The following KIF6 variants were observed in gnomAD, a reference collection of about 807,000 sequenced individuals.
The protein encoded by KIF6 is kinesin family member 6.
KIF6 carries 106 observed loss-of-function variants against 112.7 expected under a neutral mutation model. The observed-to-expected ratio is 0.94, with a 90% CI of 0.80 to 1.11. KIF6 has a LOEUF of 1.11. Ranked by LOEUF, KIF6 falls within the 50% of genes least tolerant of loss-of-function variation. KIF6 has a pLI of 0.00. For synonymous variants in KIF6, 339 were observed against 339.9 expected, an observed-to-expected ratio of 1.00 and a Z score of 0.03; for missense variants, 929 against 964.0, an observed-to-expected ratio of 0.96 and a Z score of 0.48.
chr6:39,336,256 C>A lies in KIF6; in HGVS notation c.*276G>T. ...ACGTCACTACAACAGTGAGCTGAAG[C>A]CTTCACCCTGCCCCTAGCACTCTGG... On this transcript the variant is annotated 3_prime_UTR_variant, in exon 23 of 23. Transcript: ENST00000287152. The A allele has an allele frequency of 4.2e-6, 2 of 477,152 alleles. No individual in the cohort carries two copies. The highest frequency in any genetic ancestry group is 3.7e-5 in the Admixed American group (1 of 26,828). The allele number at this position is 477,152 out of a possible 1,614,324, so 29.6% of individuals were successfully genotyped here.
intron 13 of KIF6, among the ~76,000 whole-genome samples, chr6:39,539,212 T>TATA (rs1477385904): frequency 6.6e-6 from 1 of 151,120 alleles, no homozygotes; most frequent in Non-Finnish European, 1.5e-5. Context: ...AAACTTAAAG[T>TATA]ATAATAATAA....
intron 13 of KIF6, among the ~76,000 whole-genome samples, chr6:39,533,844 G>C (rs1369704570): frequency 1.3e-5 from 2 of 152,138 alleles, no homozygotes; most frequent in African/African-American, 4.8e-5. Flanking sequence ...CACACGGCCG[G>C]GTACTCCTCT....
At chr6:39,647,312 T>C (rs1785218358) in intron 3 of KIF6, among the ~76,000 whole-genome samples, 1 of 152,156 alleles carries the variant, frequency 6.6e-6, no homozygotes, top group Non-Finnish European at 1.5e-5. Context: ...TCTGTTTTTC[T>C]GCCTAGCAAG....
At chr6:39,543,772 G>T (rs1290487065) in intron 12 of KIF6, among the ~76,000 whole-genome samples, 5 of 152,124 alleles carry the variant, frequency 3.3e-5, no homozygotes, top group Admixed American at 3.3e-4. Context: ...TATCTGGGAG[G>T]CCTGAGTTCC....
intron 22 of KIF6, among the ~76,000 whole-genome samples, chr6:39,338,282 G>A (rs557594220): frequency 2.0e-5 from 3 of 152,348 alleles, no homozygotes; most frequent in East Asian, 1.9e-4. Flanking sequence ...ACTGGGTGAC[G>A]AGTGTTAGCT....
intron 3 of KIF6, among the ~76,000 whole-genome samples, chr6:39,649,189 A>G (rs1055179039): frequency 6.6e-6 from 1 of 152,104 alleles, no homozygotes. Context: ...TAAAAATAAA[A>G]TAAAAGCATG....
intron 13 of KIF6, among the ~76,000 whole-genome samples, chr6:39,508,652 T>TG (rs1776585865): frequency 6.6e-6 from 1 of 151,790 alleles, no homozygotes; most frequent in African/African-American, 2.4e-5. Context: ...TGGAGCTTGG[T>TG]GGGGGGAGGG....
intron 13 of KIF6, among the ~76,000 whole-genome samples, chr6:39,486,010 G>T (rs180866604): frequency 6.2e-4 from 94 of 152,296 alleles, no homozygotes; most frequent in Middle Eastern, 3.4e-3. Context: ...TTCGAATTCA[G>T]ACAGTCAGCC....
intron 14 of KIF6, among the ~76,000 whole-genome samples, chr6:39,422,613 A>G (rs1319648295): frequency 6.6e-6 from 1 of 152,160 alleles, no homozygotes; most frequent in Non-Finnish European, 1.5e-5. Context: ...TGTAGAGGGA[A>G]AGAGCAAGTG....
intron 3 of KIF6, among the ~76,000 whole-genome samples, chr6:39,677,978 T>C (rs1316090367): frequency 1.3e-5 from 2 of 151,150 alleles, no homozygotes; most frequent in Admixed American, 6.6e-5. Context: ...TTGTGAATAG[T>C]GCCGCAATAA....
chr6:39,558,969 A>G (rs906069305), intron 10 of KIF6, among the ~76,000 whole-genome samples: 7 of 152,208 alleles, frequency 4.6e-5, no homozygotes, highest in African/African-American at 1.2e-4. Flanking sequence ...AAATGCTTCC[A>G]TAAACTACCC....
chr6:39,523,510 C>G (rs745806217), intron 13 of KIF6, among the ~76,000 whole-genome samples: 6 of 151,326 alleles, frequency 4.0e-5, no homozygotes, highest in Non-Finnish European at 5.9e-5. Context: ...CCACACAAAC[C>G]CTACAATCCA....
chr6:39,534,243 T>C (rs1299436079), intron 13 of KIF6, among the ~76,000 whole-genome samples: 1 of 152,146 alleles, frequency 6.6e-6, no homozygotes, highest in African/African-American at 2.4e-5. Context: ...AGAAGAAGGC[T>C]TCAGACGATC....
intron 13 of KIF6, among the ~76,000 whole-genome samples, chr6:39,454,047 T>C (rs1238555598): frequency 6.6e-6 from 1 of 152,168 alleles, no homozygotes; most frequent in Non-Finnish European, 1.5e-5. Context: ...TTAAATACAG[T>C]AGATATTTCT....
At chr6:39,664,470 G>A (rs554939828) in intron 3 of KIF6, among the ~76,000 whole-genome samples, 76 of 152,222 alleles carry the variant, frequency 5.0e-4, no homozygotes, top group Non-Finnish European at 7.9e-4. Flanking sequence ...AAATAAATTC[G>A]TGTCCTCCGG....
intron 6 of KIF6, among the ~76,000 whole-genome samples, chr6:39,611,018 G>A (rs1459094253): frequency 1.3e-5 from 2 of 152,162 alleles, no homozygotes; most frequent in Non-Finnish European, 2.9e-5. Flanking sequence ...AAAAGACCTG[G>A]AATTCTGGCT....
At chr6:39,366,749 T>G (rs1765583700) in intron 16 of KIF6, among the ~76,000 whole-genome samples, 1 of 152,050 alleles carries the variant, frequency 6.6e-6, no homozygotes, top group Non-Finnish European at 1.5e-5. Flanking sequence ...GAAATCGTGG[T>G]GGGAGCTGAA....
At chr6:39,580,892 C>T (rs1406922439) in intron 9 of KIF6, among the ~76,000 whole-genome samples, 2 of 152,122 alleles carry the variant, frequency 1.3e-5, no homozygotes, top group African/African-American at 4.8e-5. Context: ...TTTAACTTTT[C>T]TCATTTTTTT....
At chr6:39,591,025 C>T (rs1305321245) in intron 7 of KIF6, among the ~76,000 whole-genome samples, 1 of 152,204 alleles carries the variant, frequency 6.6e-6, no homozygotes, top group East Asian at 1.9e-4. Context: ...TTATATACTT[C>T]CTTATTCATA....
Sources: gnomAD v4.1 joint callset for allele counts (sites outside exome capture counted in the v4.1 genomes callset) on GRCh38, gnomAD v4.1.1 for gene constraint, MANE v1.5 for transcripts, NCBI Gene and HGNC (gene_info 2026-07-23, HGNC 2026-07-21) for gene names.